The following SSBP3 variants were observed in gnomAD, a reference collection of about 807,000 sequenced individuals.
SSBP3 encodes single stranded DNA binding protein 3.
In SSBP3, 5 loss-of-function variants were observed where a neutral mutation model predicts 69.6. The observed-to-expected ratio is 0.07, with a 90% CI of 0.04 to 0.15. The LOEUF (loss-of-function observed/expected upper bound fraction) is 0.15, where lower values mean the gene tolerates loss of function less well. Ranked by LOEUF, SSBP3 falls within the 10% of genes least tolerant of loss-of-function variation. SSBP3 has a pLI of 1.00. For missense variants in SSBP3, 312 were observed against 534.0 expected (o/e 0.58, Z 4.10); for synonymous variants, 196 against 193.4 (o/e 1.01, Z -0.11).
In SSBP3 at chr1:54,258,051, G is replaced by A. The variant is rs1644953986; in HGVS notation, c.447+18C>T. 2.5e-6 allele frequency: 4 copies of A among 1,574,208 alleles called. No individual in the cohort carries two copies. The highest frequency in any genetic ancestry group is 2.3e-5 in the South Asian group (2 of 85,560). Reference sequence around the variant, plus strand: ...CGCCCCGCGTCCCCGGCGGGCGGGAGCGCCACGGTGCGTTTACCTGACTGT... The same window carrying A: ...CGCCCCGCGTCCCCGGCGGGCGGGAACGCCACGGTGCGTTTACCTGACTGT... On this transcript the variant is annotated intron_variant, in intron 6 of 17. Transcript: ENST00000610401. The surrounding 1 kb of genome is among the most constrained non-coding windows in gnomAD (Gnocchi z 4.5).
intron 4 of SSBP3, among the ~76,000 whole-genome samples, chr1:54,391,295 G>A (rs1648477906): frequency 6.6e-6 from 1 of 152,216 alleles, no homozygotes; most frequent in African/African-American, 2.4e-5. Context: ...CTATCATTTT[G>A]CAGACACCAG....
chr1:54,300,334 AAC>A (rs1223080066), intron 4 of SSBP3, among the ~76,000 whole-genome samples: 1 of 152,156 alleles, frequency 6.6e-6, no homozygotes, highest in Non-Finnish European at 1.5e-5. Flanking sequence ...GGCCAGCAGA[AAC>A]GAGATGCATG....
At chr1:54,301,843 C>T (rs1390004666) in intron 4 of SSBP3, among the ~76,000 whole-genome samples, 1 of 152,220 alleles carries the variant, frequency 6.6e-6, no homozygotes, top group Non-Finnish European at 1.5e-5. Context: ...CCGGGGCCAC[C>T]CCTGCTCCCA....
chr1:54,230,741 C>A (rs1324669637), intron 14 of SSBP3, among the ~76,000 whole-genome samples: 1 of 152,202 alleles, frequency 6.6e-6, no homozygotes. Context: ...ATTTGCCTAT[C>A]CTGGACATGT....
intron 4 of SSBP3, among the ~76,000 whole-genome samples, chr1:54,300,447 T>G (rs930606430): frequency 2.0e-5 from 3 of 152,134 alleles, no homozygotes; most frequent in Non-Finnish European, 4.4e-5. Context: ...CGACCAAGAA[T>G]GGTACCTGGC....
intron 4 of SSBP3, 132 bp downstream of exon 4, chr1:54,401,729 G>A (rs1009872067): frequency 2.6e-5 from 18 of 684,240 alleles, no homozygotes; most frequent in Admixed American, 1.0e-4. Flanking sequence ...AGAGAGGTGG[G>A]CAGGGGAACA....
intron 4 of SSBP3, among the ~76,000 whole-genome samples, chr1:54,306,710 A>G (rs1488330178): frequency 6.6e-6 from 1 of 152,130 alleles, no homozygotes; most frequent in Non-Finnish European, 1.5e-5. Flanking sequence ...AAATATAAAA[A>G]CCACCTCACA....
At chr1:54,407,395 T>A (rs144860505), upstream of SSBP3, among the ~76,000 whole-genome samples, 163 of 146,968 alleles carry the variant, frequency 1.1e-3, no homozygotes, top group African/African-American at 4.0e-3. Context: ...GAGTCAGGCG[T>A]AGGGGGAGGG....
intron 4 of SSBP3, among the ~76,000 whole-genome samples, chr1:54,392,097 G>A (rs1648542189): frequency 6.6e-6 from 1 of 152,198 alleles, no homozygotes; most frequent in Non-Finnish European, 1.5e-5. Flanking sequence ...TACTTACTCT[G>A]CCTTCAACAA....
At chr1:54,363,864 C>A (rs1214428585) in intron 4 of SSBP3, among the ~76,000 whole-genome samples, 3 of 152,182 alleles carry the variant, frequency 2.0e-5, no homozygotes, top group African/African-American at 4.8e-5. Context: ...GGGTGATTTG[C>A]ATAGAGCTAG....
At chr1:54,328,898 C>T (rs765736433) in intron 4 of SSBP3, among the ~76,000 whole-genome samples, 4 of 152,176 alleles carry the variant, frequency 2.6e-5, no homozygotes, top group Non-Finnish European at 5.9e-5. Flanking sequence ...GACGGTGGAA[C>T]GGGGAGCCAG....
intron 4 of SSBP3, among the ~76,000 whole-genome samples, chr1:54,366,071 C>T (rs1647025374): frequency 2.0e-5 from 3 of 152,102 alleles, no homozygotes; most frequent in African/African-American, 7.2e-5. Flanking sequence ...TCATTAAGGT[C>T]CCCACCCCTC....
intron 1 of SSBP3, among the ~76,000 whole-genome samples, chr1:54,411,439 C>T (rs1170701200): frequency 6.7e-6 from 1 of 150,208 alleles, no homozygotes; most frequent in Non-Finnish European, 1.5e-5. Context: ...GCTCGCACCA[C>T]TGCACTCCAT....
chr1:54,376,680 T>C (rs1034209028), intron 4 of SSBP3, among the ~76,000 whole-genome samples: 78 of 152,196 alleles, frequency 5.1e-4, no homozygotes, highest in Admixed American at 2.2e-3. Flanking sequence ...TGTTTCAGTT[T>C]CAAATTACAT....
chr1:54,266,906 C>A (rs745528633), intron 5 of SSBP3, among the ~76,000 whole-genome samples: 1 of 152,210 alleles, frequency 6.6e-6, no homozygotes, highest in Non-Finnish European at 1.5e-5. Flanking sequence ...CAAAACCCAG[C>A]GCTCACGTCC....
At chr1:54,388,471 T>C (rs1648245957) in intron 4 of SSBP3, among the ~76,000 whole-genome samples, 1 of 152,362 alleles carries the variant, frequency 6.6e-6, no homozygotes, top group Middle Eastern at 3.4e-3. Context: ...TGGTGGTCAC[T>C]GCTGTTTCAG....
intron 14 of SSBP3, among the ~76,000 whole-genome samples, chr1:54,233,693 C>CGG (rs551890641): frequency 0.039 from 5,693 of 146,284 alleles, 155 homozygotes; most frequent in South Asian, 0.11. Flanking sequence ...CCCGGCCAGC[C>CGG]GCCCCGTCTG....
intron 4 of SSBP3, among the ~76,000 whole-genome samples, chr1:54,368,526 A>G (rs1647066662): frequency 6.6e-6 from 1 of 152,086 alleles, no homozygotes; most frequent in African/African-American, 2.4e-5. Context: ...ACCTGCCTGA[A>G]GCATTTCTGA....
intron 4 of SSBP3, among the ~76,000 whole-genome samples, chr1:54,344,354 GCACA>G (rs1379604053): frequency 6.6e-6 from 1 of 152,336 alleles, no homozygotes; most frequent in African/African-American, 2.4e-5. Flanking sequence ...GCTATGCACT[GCACA>G]CAGTCTTGGC....
Sources: gnomAD v4.1 joint callset for allele counts (sites outside exome capture counted in the v4.1 genomes callset) on GRCh38, gnomAD v4.1.1 for gene constraint, Gnocchi (gnomAD v3.1) non-coding constraint, MANE v1.5 for transcripts, NCBI Gene and HGNC (gene_info 2026-07-23, HGNC 2026-07-21) for gene names.